CACNA1B: variants seen among roughly 807,000 people sequenced by gnomAD.
CACNA1B encodes voltage-dependent N-type calcium channel subunit alpha-1B.
In CACNA1B, 70 loss-of-function variants were observed where a neutral mutation model predicts 247.2. That is an observed-to-expected ratio of 0.28 (90% CI 0.23 to 0.35). CACNA1B has a LOEUF of 0.35. CACNA1B is among the 10% of genes least tolerant of loss of function. The probability of loss-of-function intolerance (pLI) is 1.00; values close to 1 mark genes in which losing one functional copy is unlikely to be tolerated. For missense variants in CACNA1B, 2,367 were observed against 3,197.4 expected (o/e 0.74, Z 6.26); for synonymous variants, 1,231 against 1,294.4 (o/e 0.95, Z 1.05).
At chr9:137,949,747 C>T (rs1198910778) in intron 6 of CACNA1B, among the ~76,000 whole-genome samples, 1 of 151,992 alleles carries the variant, frequency 6.6e-6, no homozygotes, top group Non-Finnish European at 1.5e-5. Context: ...GAGGGTTGGT[C>T]TTGAATGTGG....
chr9:137,958,727 T>G (rs974233599), intron 10 of CACNA1B, among the ~76,000 whole-genome samples: 2 of 152,172 alleles, frequency 1.3e-5, no homozygotes, highest in African/African-American at 2.4e-5. Context: ...TGTTCAGAGT[T>G]CTGTGCGACC....
intron 20 of CACNA1B, among the ~76,000 whole-genome samples, chr9:138,037,119 C>T (rs937608037): frequency 3.9e-5 from 6 of 152,136 alleles, no homozygotes; most frequent in Non-Finnish European, 7.3e-5. Flanking sequence ...TGGTTTGTCC[C>T]GTAGAATTTC....
intron 13 of CACNA1B, 72 bp downstream of exon 13, chr9:137,984,322 C>G (rs1471327943): frequency 9.2e-7 from 1 of 1,088,514 alleles, no homozygotes; most frequent in Non-Finnish European, 1.4e-6. Context: ...ACACAGGGTG[C>G]TTGTCCCCAG....
chr9:138,006,702 G>A (rs888629669), intron 15 of CACNA1B, 65 bp from the exon 16 acceptor site: 53 of 845,122 alleles, frequency 6.3e-5, no homozygotes, highest in Non-Finnish European at 1.1e-4. Flanking sequence ...TCATGTGGGT[G>A]GGGGTGCGTG....
intron 36 of CACNA1B, among the ~76,000 whole-genome samples, chr9:138,081,356 A>G (rs946405355): frequency 1.2e-4 from 19 of 152,218 alleles, no homozygotes; most frequent in Admixed American, 1.2e-3. Flanking sequence ...GTTCTTGGCT[A>G]ACCCTGGTGT....
intron 12 of CACNA1B, among the ~76,000 whole-genome samples, chr9:137,978,332 C>G (rs537080927): frequency 2.7e-5 from 4 of 147,912 alleles, no homozygotes; most frequent in Admixed American, 2.0e-4. Flanking sequence ...ACTTCCCCCC[C>G]CAGGAGGGAG....
In CACNA1B at chr9:137,899,347, C is replaced by A. The variant is rs1167921651; in HGVS notation, c.531-13833C>A. The stretch of plus-strand genomic sequence containing the variant: ...ATCTCAGATGATCCACCTGTCTTGG[C>A]CTCCCAAAGCGCTGGGATTGGGATA... On this transcript the variant is annotated intron_variant, in intron 3 of 46. Coordinates refer to ENST00000371372, the MANE Select transcript of CACNA1B (RefSeq NM_000718.4). The surrounding 1 kb of genome is among the most constrained non-coding windows in gnomAD (Gnocchi z 5.0). Among the ~76,000 whole-genome samples the A allele has an allele frequency of 6.6e-6, 1 of 152,106 alleles. No homozygotes were observed. The highest frequency in any genetic ancestry group is 1.5e-5 in the Non-Finnish European group (1 of 68,020).
chr9:138,033,514 A>G (rs760681945), intron 20 of CACNA1B, among the ~76,000 whole-genome samples: 14 of 152,174 alleles, frequency 9.2e-5, no homozygotes, highest in Non-Finnish European at 2.1e-4. Context: ...TCTTATTTAC[A>G]TCTTCAGTTT....
intron 40 of CACNA1B, among the ~76,000 whole-genome samples, chr9:138,113,601 G>A (rs1175875377): frequency 7.5e-6 from 1 of 132,860 alleles, no homozygotes; most frequent in East Asian, 2.3e-4. Flanking sequence ...AGGGAGTGCC[G>A]GGAGGTGCCC....
chr9:137,934,039 G>T (rs1957636476), intron 6 of CACNA1B, among the ~76,000 whole-genome samples: 1 of 152,166 alleles, frequency 6.6e-6, no homozygotes, highest in South Asian at 2.1e-4. Flanking sequence ...CATCCATTTT[G>T]AATAAAACAA....
chr9:138,000,377 C>A (rs906148499), intron 15 of CACNA1B, among the ~76,000 whole-genome samples: 3 of 152,184 alleles, frequency 2.0e-5, no homozygotes, highest in Non-Finnish European at 4.4e-5. Context: ...GGATTACAGA[C>A]ATGAGCCACC....
At position 138,078,152 on chromosome 9, in the gene CACNA1B, C is replaced by T; in HGVS notation, c.4988C>T (p.Ser1663Phe). 6.2e-7 allele frequency: 1 copy of T among 1,613,946 alleles called. No homozygotes were observed. Among genetic ancestry groups the T allele is most frequent in the Non-Finnish European group, 8.5e-7 (1 of 1,179,854 alleles). ...TGEAWHEIML[S>F]CLSNQACDEQ... is the part of the protein sequence containing the mutation. ...GAGGCCTGGCACGAGATCATGCTGT[C>T]CTGCCTGAGCAACCAGGCCTGTGAT... Residue 1663 changes from serine to phenylalanine, a missense_variant, in exon 36 of 47, where the codon TCC (serine) becomes TTC (phenylalanine). Transcript: ENST00000371372.
Position 138,073,900 on chromosome 9 carries a change from G to T in CACNA1B, c.4792-101G>T. On this transcript the variant is annotated intron_variant, in intron 33 of 46. Transcript: ENST00000371372. The surrounding 1 kb of genome is among the most constrained non-coding windows in gnomAD (Gnocchi z 6.4). ...TGGCCAGTGGGATGGAGCTTGAGTA[G>T]GCTGAGGTCTGTGTGACCTCAAAGG... is the stretch of plus-strand genomic sequence containing the variant. 1.1e-6 allele frequency: 1 copy of T among 894,104 alleles called. No individual in the cohort carries two copies. Among genetic ancestry groups the T allele is most frequent in the Non-Finnish European group, 1.8e-6 (1 of 541,450 alleles). 55.4% of individuals were successfully genotyped at this position (894,104 alleles called of 1,614,324 possible). A position where few individuals can be genotyped will look rare whatever the true frequency, so the allele number is the denominator to read the frequency against.
intron 7 of CACNA1B, among the ~76,000 whole-genome samples, chr9:137,953,731 G>A (rs1028000779): frequency 7.9e-5 from 12 of 152,158 alleles, no homozygotes; most frequent in East Asian, 3.9e-4. Flanking sequence ...GAACAGCTGG[G>A]GTGGAGGCAC....
In CACNA1B at chr9:138,052,867, A is replaced by G. The variant is rs1959344449; in HGVS notation, c.3807+679A>G. Among the ~76,000 whole-genome samples the G allele has an allele frequency of 6.6e-6, 1 of 152,178 alleles. No homozygotes were observed. The highest frequency in any genetic ancestry group is 1.5e-5 in the Non-Finnish European group (1 of 68,020). ...GCCCTGGCACCGAGTGGCGCTGTGCAGTGGTCATCCACAGTGTGCCAGGCT... is the reference window on the plus strand; with the variant it reads ...GCCCTGGCACCGAGTGGCGCTGTGCGGTGGTCATCCACAGTGTGCCAGGCT... On this transcript the variant is annotated intron_variant, in intron 25 of 46. Transcript: ENST00000371372. This position sits in a 1 kb window ranked among gnomAD's most constrained non-coding sequence, Gnocchi z 5.1.
intron 10 of CACNA1B, among the ~76,000 whole-genome samples, chr9:137,969,987 A>G (rs1473020675): frequency 6.6e-6 from 1 of 152,184 alleles, no homozygotes; most frequent in Non-Finnish European, 1.5e-5. Context: ...ACAAACACAC[A>G]GAAAATGCAC....
In CACNA1B at chr9:137,913,056, G is replaced by A. The variant is rs1380482587; in HGVS notation, c.531-124G>A. On this transcript the variant is annotated intron_variant, in intron 3 of 46. Transcript: ENST00000371372. The surrounding 1 kb of genome is among the most constrained non-coding windows in gnomAD (Gnocchi z 5.2). ...GGTGCTGGCCCTGTGGTTGGACAGT[G>A]GGGACACAGGAATGAAGGTGTCACT... The A allele has an allele frequency of 1.4e-5, 10 of 724,958 alleles. No individual in the cohort carries two copies. The Admixed American group carries it at 2.2e-4, about 16-fold the overall frequency. 44.9% of individuals were successfully genotyped at this position (724,958 alleles called of 1,614,324 possible). A position where few individuals can be genotyped will look rare whatever the true frequency, so the allele number is the denominator to read the frequency against.
chr9:137,921,968 G>T (rs1392203773), intron 6 of CACNA1B, among the ~76,000 whole-genome samples: 1 of 146,902 alleles, frequency 6.8e-6, no homozygotes, highest in Non-Finnish European at 1.5e-5. Context: ...GCAGAGTAAA[G>T]TGTTCGGAGA....
chr9:138,067,537 A>G lies in CACNA1B; in HGVS notation c.4669-2221A>G, dbSNP rs182275962. ...AACATTGTGAAGCCCCGTCTTTACT[A>G]AAAATACAAAAGTTAGCCAGGCATG... On this transcript the variant is annotated intron_variant, in intron 31 of 46. Coordinates refer to ENST00000371372, the MANE Select transcript of CACNA1B (RefSeq NM_000718.4). Among the ~76,000 whole-genome samples the G allele has an allele frequency of 2.0e-5, 3 of 152,310 alleles. No individual in the cohort carries two copies. The East Asian group carries it at 5.8e-4, about 29-fold the overall frequency.
Sources: allele counts gnomAD v4.1 joint callset (sites outside exome capture counted in the v4.1 genomes callset), GRCh38; gene constraint gnomAD v4.1.1; non-coding constraint Gnocchi (gnomAD v3.1); transcripts MANE v1.5; gene names NCBI Gene and HGNC (gene_info 2026-07-23, HGNC 2026-07-21).